CADM2: variants seen among roughly 807,000 people sequenced by gnomAD.
CADM2 encodes immunoglobulin superfamily member 4D.
Under a neutral mutation model 49.8 loss-of-function variants are expected in CADM2, and 12 were observed. The observed-to-expected ratio is 0.24, with a 90% CI of 0.15 to 0.39. The LOEUF is 0.39. Ranked by LOEUF, CADM2 falls within the 10% of genes least tolerant of loss-of-function variation. The pLI is 1.00. For missense variants in CADM2, 378 were observed against 492.3 expected, an observed-to-expected ratio of 0.77 and a Z score of 2.20; for synonymous variants, 214 against 175.4, an observed-to-expected ratio of 1.22 and a Z score of -1.74.
intron 1 of CADM2, among the ~76,000 whole-genome samples, chr3:85,599,963 A>C (rs2063347498): frequency 1.3e-5 from 2 of 152,076 alleles, no homozygotes; most frequent in Admixed American, 1.3e-4. Context: ...GAAATTTTAA[A>C]GAAGTTTGTC....
At chr3:85,986,303 T>C (rs1380841665) in intron 8 of CADM2, among the ~76,000 whole-genome samples, 7 of 152,160 alleles carry the variant, frequency 4.6e-5, no homozygotes, top group South Asian at 2.1e-4. Flanking sequence ...ATGAATGGAA[T>C]AAAATCATTA....
intron 3 of CADM2, among the ~76,000 whole-genome samples, chr3:85,861,303 T>A (rs1577499112): frequency 6.6e-6 from 1 of 152,266 alleles, no homozygotes; most frequent in East Asian, 1.9e-4. Context: ...ATTTGTAATT[T>A]GTAATTCCTG....
chr3:85,541,731 T>TATATA lies in CADM2; in HGVS notation c.62-184791_62-184790insATATA, dbSNP rs1491439613. ...ATATATTTTATATTATATATATATA[T>TATATA]TTTATATATATATTTTATATATTTT... is the stretch of plus-strand genomic sequence containing the variant. On this transcript the variant is annotated intron_variant, in intron 1 of 9. Coordinates refer to ENST00000383699, the MANE Select transcript of CADM2 (RefSeq NM_001167675.2). 1.2e-3 allele frequency among the ~76,000 whole-genome samples: 126 copies of TATATA among 106,824 alleles called. 1 individual carries two copies. The highest frequency in any genetic ancestry group is 9.3e-3 in the Middle Eastern group (2 of 216). The allele number at this position is 106,824 out of a possible 152,430, so 70.1% of individuals were successfully genotyped here.
intron 1 of CADM2, among the ~76,000 whole-genome samples, chr3:85,531,578 A>G (rs1349284135): frequency 1.3e-5 from 2 of 152,126 alleles, no homozygotes; most frequent in Non-Finnish European, 2.9e-5. Flanking sequence ...GTTCACCAAC[A>G]TTCCTCCTGT....
intron 1 of CADM2, among the ~76,000 whole-genome samples, chr3:85,016,001 G>T (rs2034233973): frequency 6.6e-6 from 1 of 152,158 alleles, no homozygotes; most frequent in Admixed American, 6.5e-5. Context: ...AGGACTTAGT[G>T]CTTCATTTGG....
chr3:85,888,109 GTTAA>G, intron 5 of CADM2, among the ~76,000 whole-genome samples: 1 of 152,112 alleles, frequency 6.6e-6, no homozygotes, highest in South Asian at 2.1e-4. Flanking sequence ...GACACAATTA[GTTAA>G]TTAATTAGTT....
chr3:85,001,478 A>G (rs935446282), intron 1 of CADM2, among the ~76,000 whole-genome samples: 18 of 152,124 alleles, frequency 1.2e-4, no homozygotes, highest in African/African-American at 4.3e-4. Flanking sequence ...ACTTAAATAC[A>G]TGAAATTATT....
At chr3:85,444,509 T>G (rs2037357764) in intron 1 of CADM2, among the ~76,000 whole-genome samples, 1 of 151,642 alleles carries the variant, frequency 6.6e-6, no homozygotes, top group Admixed American at 6.6e-5. Context: ...CTCTCCACAT[T>G]TGGAATAAAG....
At chr3:85,852,064 C>A (rs1364099135) in intron 3 of CADM2, among the ~76,000 whole-genome samples, 1 of 151,972 alleles carries the variant, frequency 6.6e-6, no homozygotes, top group Non-Finnish European at 1.5e-5. Flanking sequence ...ACTGCAAATG[C>A]CTTTAAAATA....
chr3:85,203,928 G>A (rs1038718774), intron 1 of CADM2, among the ~76,000 whole-genome samples: 8 of 152,114 alleles, frequency 5.3e-5, no homozygotes, highest in Non-Finnish European at 7.4e-5. Flanking sequence ...ATAGCTGACC[G>A]TGAATGATGA....
intron 1 of CADM2, among the ~76,000 whole-genome samples, chr3:85,097,254 G>GT (rs1330237524): frequency 1.3e-5 from 2 of 151,980 alleles, no homozygotes; most frequent in East Asian, 1.9e-4. Context: ...GCGGTGTTTG[G>GT]TTTTTTGTCC....
chr3:85,805,856 T>C (rs2072377723), intron 3 of CADM2, among the ~76,000 whole-genome samples: 1 of 152,172 alleles, frequency 6.6e-6, no homozygotes, highest in African/African-American at 2.4e-5. Flanking sequence ...TCATTGATTA[T>C]ACCATCTCCT....
chr3:85,569,433 G>A (rs1333609477), intron 1 of CADM2, among the ~76,000 whole-genome samples: 1 of 152,102 alleles, frequency 6.6e-6, no homozygotes, highest in East Asian at 1.9e-4. Flanking sequence ...CTTTTTGTGT[G>A]AGTATGCTAT....
At chr3:85,704,309 A>T (rs969827809) in intron 1 of CADM2, among the ~76,000 whole-genome samples, 1 of 152,204 alleles carries the variant, frequency 6.6e-6, no homozygotes, top group African/African-American at 2.4e-5. Context: ...GATAAATGGG[A>T]CAGTAAAAAT....
At chr3:85,111,662 G>A (rs952763791) in intron 1 of CADM2, among the ~76,000 whole-genome samples, 2 of 151,752 alleles carry the variant, frequency 1.3e-5, no homozygotes, top group African/African-American at 4.8e-5. Flanking sequence ...GGTACCAAAA[G>A]AATGGATAAG....
chr3:85,158,860 A>G (rs954078732), intron 1 of CADM2, among the ~76,000 whole-genome samples: 2 of 152,024 alleles, frequency 1.3e-5, no homozygotes, highest in African/African-American at 4.8e-5. Context: ...ATAAAATAAA[A>G]TAAAAAAATA....
intron 1 of CADM2, among the ~76,000 whole-genome samples, chr3:85,717,357 C>T (rs1471838698): frequency 6.6e-6 from 1 of 152,046 alleles, no homozygotes; most frequent in African/African-American, 2.4e-5. Context: ...TATCCTGAGA[C>T]TGCTGAAGTT....
chr3:85,543,189 T>A (rs549735869), intron 1 of CADM2, among the ~76,000 whole-genome samples: 25 of 151,824 alleles, frequency 1.6e-4, no homozygotes, highest in African/African-American at 6.0e-4. Context: ...AAACAACAGG[T>A]ACCTTGCCTC....
chr3:85,062,661 G>A (rs2326126), intron 1 of CADM2, among the ~76,000 whole-genome samples: 111,323 of 151,492 alleles, frequency 0.73, 41,970 homozygotes, highest in African/African-American at 0.89. Flanking sequence ...ATACATTAAT[G>A]TAATATTTTA....
Sources: allele counts gnomAD v4.1 joint callset (sites outside exome capture counted in the v4.1 genomes callset), GRCh38; gene constraint gnomAD v4.1.1; transcripts MANE v1.5; gene names NCBI Gene and HGNC (gene_info 2026-07-23, HGNC 2026-07-21).